Variants in SPATA6 observed in about 807,000 individuals in gnomAD.
The protein encoded by SPATA6 is spermatogenesis-associated protein 6.
SPATA6 carries 56 observed loss-of-function variants against 65.3 expected under a neutral mutation model. The observed-to-expected ratio is 0.86, with a 90% CI of 0.69 to 1.07. The LOEUF (loss-of-function observed/expected upper bound fraction) is 1.07. SPATA6 is among the 50% of genes least tolerant of loss of function. The probability of loss-of-function intolerance (pLI) is 0.00; values close to 1 mark genes in which losing one functional copy is unlikely to be tolerated. For missense variants in SPATA6, 590 were observed against 594.8 expected (o/e 0.99, Z 0.08); for synonymous variants, 199 against 213.2 (o/e 0.93, Z 0.58).
chr1:48,305,831 A>ACTT lies in SPATA6; in HGVS notation c.1239_1241dup (p.Arg413dup). On this transcript the variant is annotated inframe_insertion, in exon 12 of 13. Transcript: ENST00000371847. ...CATAGGCAGAGTCTCTACATAAAAG[A>ACTT]CTTCTTTTCAGTTCCAGTTCATCAT... 6.2e-7 allele frequency: 1 copy of ACTT among 1,612,356 alleles called. No homozygotes were observed. The highest frequency in any genetic ancestry group is 8.5e-7 in the Non-Finnish European group (1 of 1,178,952).
intron 11 of SPATA6, among the ~76,000 whole-genome samples, chr1:48,351,880 C>G (rs1320007967): frequency 6.6e-6 from 1 of 152,008 alleles, no homozygotes; most frequent in African/African-American, 2.4e-5. Flanking sequence ...TTGGATTCAC[C>G]AGAGAAACCA....
intron 11 of SPATA6, among the ~76,000 whole-genome samples, chr1:48,312,295 G>A (rs1312854732): frequency 1.3e-5 from 2 of 152,178 alleles, no homozygotes; most frequent in African/African-American, 4.8e-5. Flanking sequence ...CACCCGAGCA[G>A]CCTAACTGGG....
intron 9 of SPATA6, among the ~76,000 whole-genome samples, chr1:48,379,924 A>G (rs1164510843): frequency 6.6e-6 from 1 of 152,246 alleles, no homozygotes; most frequent in Non-Finnish European, 1.5e-5. Flanking sequence ...AAATTGTGAA[A>G]ATAAAACTCA....
intron 9 of SPATA6, among the ~76,000 whole-genome samples, chr1:48,363,948 C>T (rs971782467): frequency 1.3e-5 from 2 of 152,018 alleles, no homozygotes; most frequent in African/African-American, 2.4e-5. Context: ...CTATCCCTCC[C>T]CCCTTCCCCC....
At chr1:48,261,427 A>G in the SPATA6 span, among the ~76,000 whole-genome samples, 1 of 152,124 alleles carries the variant, frequency 6.6e-6, no homozygotes, top group Non-Finnish European at 1.5e-5. Flanking sequence ...GCTTTAGGAT[A>G]TTCTATTACG....
intron 11 of SPATA6, among the ~76,000 whole-genome samples, chr1:48,306,435 C>A (rs1356122072): frequency 6.6e-6 from 1 of 151,882 alleles, no homozygotes; most frequent in Non-Finnish European, 1.5e-5. Context: ...GTATGGGCAG[C>A]CTGTTCTTAA....
Position 48,350,767 on chromosome 1 carries a change from C to T in SPATA6, c.1194+4903G>A, listed in dbSNP as rs1646494499. Among the ~76,000 whole-genome samples the T allele has an allele frequency of 2.0e-5, 3 of 151,892 alleles. No homozygotes were observed. The South Asian group carries it at 6.2e-4, about 31-fold the overall frequency. On this transcript the variant is annotated intron_variant, in intron 11 of 12. Transcript: ENST00000371847. ...AATTTAATCAATATAACACAATCTT[C>T]ATTACTGTGCTTTATTGCAAAAATC...
At chr1:48,360,544 GAGT>G (rs368133352) in intron 9 of SPATA6, among the ~76,000 whole-genome samples, 2 of 144,894 alleles carry the variant, frequency 1.4e-5, no homozygotes, top group African/African-American at 4.9e-5. Context: ...AAGATCTTGG[GAGT>G]AGGAGGAGGA....
intron 12 of SPATA6, among the ~76,000 whole-genome samples, chr1:48,299,534 A>AAAAAAAAAAAAAAGAATGCATAGTTGCT (rs1644883922): frequency 6.7e-6 from 1 of 150,160 alleles, no homozygotes; most frequent in East Asian, 1.9e-4. Flanking sequence ...AAAAAAAAAA[A>AAAAAAAAAAAAAAGAATGCATAGTTGCT]AAAGAATGCA....
chr1:48,285,734 C>T, the SPATA6 span, among the ~76,000 whole-genome samples: 1 of 152,170 alleles, frequency 6.6e-6, no homozygotes, highest in Non-Finnish European at 1.5e-5. Context: ...GGCCCCGCCC[C>T]ACCCAGCTTC....
the SPATA6 span, among the ~76,000 whole-genome samples, chr1:48,281,522 T>C: frequency 1.3e-5 from 2 of 152,096 alleles, no homozygotes; most frequent in Non-Finnish European, 2.9e-5. Context: ...GAATCACAAG[T>C]ATTCTTATAC....
intron 3 of SPATA6, 57 bp downstream of exon 3, chr1:48,451,495 A>G: frequency 6.6e-7 from 1 of 1,519,610 alleles, no homozygotes; most frequent in South Asian, 1.2e-5. Flanking sequence ...AAAGATCATA[A>G]GGATAATAAA....
At chr1:48,309,544 C>T (rs1048464586) in intron 11 of SPATA6, among the ~76,000 whole-genome samples, 3 of 152,084 alleles carry the variant, frequency 2.0e-5, no homozygotes, top group African/African-American at 7.2e-5. Context: ...AATTCTAACA[C>T]TTTATTTCTT....
intron 11 of SPATA6, among the ~76,000 whole-genome samples, chr1:48,342,235 T>TCCA (rs1646238744): frequency 6.6e-6 from 1 of 152,184 alleles, no homozygotes; most frequent in Non-Finnish European, 1.5e-5. Flanking sequence ...CAATAAAATT[T>TCCA]TGTTTTTTAA....
chr1:48,384,742 G>C (rs555319746), intron 9 of SPATA6, among the ~76,000 whole-genome samples: 24 of 152,144 alleles, frequency 1.6e-4, no homozygotes, highest in Non-Finnish European at 2.8e-4. Context: ...AAGAAACAGA[G>C]AGCATGTCTC....
At chr1:48,355,477 T>C (rs538396817) in intron 11 of SPATA6, 193 bp downstream of exon 11, 3 of 467,798 alleles carry the variant, frequency 6.4e-6, no homozygotes, top group African/African-American at 4.0e-5. Context: ...ATTTCAAACA[T>C]TTTGCATAAT....
intron 11 of SPATA6, among the ~76,000 whole-genome samples, chr1:48,319,767 T>C (rs185320703): frequency 2.2e-3 from 333 of 152,204 alleles, no homozygotes; most frequent in African/African-American, 6.4e-3. Context: ...CTGGAGATTG[T>C]GTACAGGCAC....
chr1:48,267,936 A>G, the SPATA6 span, among the ~76,000 whole-genome samples: 10 of 151,664 alleles, frequency 6.6e-5, no homozygotes, highest in East Asian at 1.8e-3. Flanking sequence ...TATTTTTAGT[A>G]GAGACGGGGT....
intron 9 of SPATA6, among the ~76,000 whole-genome samples, chr1:48,380,141 G>C (rs1262471433): frequency 6.6e-6 from 1 of 152,214 alleles, no homozygotes; most frequent in East Asian, 1.9e-4. Context: ...TTCATTCAAA[G>C]AACTCATGCA....
Sources: gnomAD v4.1 joint callset for allele counts (sites outside exome capture counted in the v4.1 genomes callset) on GRCh38, gnomAD v4.1.1 for gene constraint, MANE v1.5 for transcripts, NCBI Gene and HGNC (gene_info 2026-07-23, HGNC 2026-07-21) for gene names.